Variants in SBK1 observed in about 807,000 individuals in gnomAD.
The protein encoded by SBK1 is serine/threonine-protein kinase SBK1.
In SBK1, 11 loss-of-function variants were observed where a neutral mutation model predicts 24.4. The ratio of observed to expected loss-of-function variants is 0.45; its 90% confidence interval spans 0.28 to 0.75. SBK1 has a LOEUF of 0.75. SBK1 is among the 30% of genes least tolerant of loss of function. The pLI is 0.12. For synonymous variants in SBK1, 308 were observed against 284.4 expected, an observed-to-expected ratio of 1.08 and a Z score of -0.83; for missense variants, 467 against 620.5, an observed-to-expected ratio of 0.75 and a Z score of 2.63.
At chr16:28,288,730 G>A (rs914051435), upstream of SBK1, among the ~76,000 whole-genome samples, 1 of 152,152 alleles carries the variant, frequency 6.6e-6, no homozygotes, top group Non-Finnish European at 1.5e-5. Flanking sequence ...AAGCAGCCCT[G>A]CCCTCTCTGC....
At chr16:28,278,855 A>G (rs2044511181) in intron 1 of SBK1, among the ~76,000 whole-genome samples, 2 of 152,226 alleles carry the variant, frequency 1.3e-5, no homozygotes, top group Admixed American at 1.3e-4. Context: ...TCAGGTGTAC[A>G]GCGACGTGGT....
upstream of SBK1, among the ~76,000 whole-genome samples, chr16:28,289,736 C>T (rs1196346230): frequency 6.6e-6 from 1 of 150,402 alleles, no homozygotes; most frequent in East Asian, 2.0e-4. Context: ...CATTGCACTC[C>T]AGCCTGGGCA....
chr16:28,275,514 C>T (rs1597012047), intron 1 of SBK1, among the ~76,000 whole-genome samples: 1 of 152,098 alleles, frequency 6.6e-6, no homozygotes, highest in East Asian at 1.9e-4. Context: ...TGTTCGGGGG[C>T]CCAGAAATGG....
At chr16:28,299,495 A>T (rs2044664263) in intron 1 of SBK1, among the ~76,000 whole-genome samples, 1 of 151,894 alleles carries the variant, frequency 6.6e-6, no homozygotes. Context: ...ACCTGATGGG[A>T]CCTCGCCTGA....
At chr16:28,305,557 A>C (rs1054906424) in intron 1 of SBK1, among the ~76,000 whole-genome samples, 3 of 132,672 alleles carry the variant, frequency 2.3e-5, no homozygotes, top group Non-Finnish European at 4.7e-5. Flanking sequence ...TTTTTTAGAG[A>C]GACTTTCTCT....
intron 1 of SBK1, among the ~76,000 whole-genome samples, chr16:28,262,450 G>T (rs1024392667): frequency 1.3e-5 from 2 of 152,192 alleles, no homozygotes; most frequent in Non-Finnish European, 2.9e-5. Context: ...GGCAACGAAG[G>T]GGGGCAGGTG....
At position 28,273,097 on chromosome 16, in the gene SBK1, G is replaced by A. The variant is rs1326410305; in HGVS notation, c.257+13595G>A. 3.3e-5 allele frequency among the ~76,000 whole-genome samples: 5 copies of A among 151,942 alleles called. No homozygotes were observed. The South Asian group carries it at 8.3e-4, about 25-fold the overall frequency. ...AGAATTATTTTTTTCTTTTTTTAGA[G>A]ACAGGGTCTCATTATGTTGCCCAGG... On this transcript the variant is annotated intron_variant, in intron 1 of 3. Coordinates refer to the SBK1 transcript ENST00000671413.
At chr16:28,267,071 T>A (rs2044433876) in intron 1 of SBK1, among the ~76,000 whole-genome samples, 1 of 151,460 alleles carries the variant, frequency 6.6e-6, no homozygotes, top group Non-Finnish European at 1.5e-5. Flanking sequence ...CACACCTGGC[T>A]ATTTTTTTTA....
chr16:28,274,389 C>A (rs757006952), intron 1 of SBK1, among the ~76,000 whole-genome samples: 3 of 152,184 alleles, frequency 2.0e-5, no homozygotes, highest in Non-Finnish European at 4.4e-5. Flanking sequence ...ATGGCTCACA[C>A]ATGTAATCCC....
chr16:28,315,790 G>C (rs1232335955), intron 1 of SBK1, among the ~76,000 whole-genome samples: 2 of 152,014 alleles, frequency 1.3e-5, no homozygotes, highest in African/African-American at 4.8e-5. Context: ...TTTTGAGACG[G>C]AGTCTTGTTC....
intron 1 of SBK1, among the ~76,000 whole-genome samples, chr16:28,314,147 T>C (rs1362046473): frequency 1.0e-5 from 1 of 97,578 alleles, no homozygotes; most frequent in African/African-American, 2.9e-5. Flanking sequence ...GTCGTTATTA[T>C]TGTTATTATT....
chr16:28,294,732 G>A (rs1221518282), intron 1 of SBK1, among the ~76,000 whole-genome samples: 1 of 152,172 alleles, frequency 6.6e-6, no homozygotes. Flanking sequence ...AGCACCAAGT[G>A]CCCCCACCCC....
chr16:28,313,902 G>A (rs1436813066), intron 1 of SBK1, among the ~76,000 whole-genome samples: 1 of 152,082 alleles, frequency 6.6e-6, no homozygotes, highest in African/African-American at 2.4e-5. Context: ...GCTGGGCTGC[G>A]AGAGGATGCG....
chr16:28,274,509 A>G (rs12448963), intron 1 of SBK1, among the ~76,000 whole-genome samples: 9,898 of 152,004 alleles, frequency 0.065, 592 homozygotes, highest in Admixed American at 0.19. Context: ...AAAATTAGCC[A>G]GGCATGGTGG....
In SBK1 at chr16:28,321,381, A is replaced by G. The variant is rs1389568746; in HGVS notation, c.*460A>G. On this transcript the variant is annotated 3_prime_UTR_variant, in exon 4 of 4. Transcript: ENST00000341901. Reference sequence around the variant, plus strand: ...CAGATCCCCTCCTCCTCGCCATCCCATTCTGCCCCCTCCCCACCCTGGGTA... The same window carrying G: ...CAGATCCCCTCCTCCTCGCCATCCCGTTCTGCCCCCTCCCCACCCTGGGTA... 2 of 152,928 alleles carry G rather than the reference A, an allele frequency of 1.3e-5. No individual in the cohort carries two copies. Among genetic ancestry groups the G allele is most frequent in the East Asian group, 1.9e-4 (1 of 5,246 alleles). 9.5% of individuals were successfully genotyped at this position (152,928 alleles called of 1,614,324 possible).
intron 1 of SBK1, among the ~76,000 whole-genome samples, chr16:28,280,263 G>A (rs1312875062): frequency 1.5e-5 from 2 of 134,014 alleles, no homozygotes; most frequent in Non-Finnish European, 3.2e-5. Context: ...GTATATATAC[G>A]TATATATGTA....
intron 1 of SBK1, among the ~76,000 whole-genome samples, chr16:28,293,512 G>T (rs529293409): frequency 6.6e-6 from 1 of 152,224 alleles, no homozygotes; most frequent in South Asian, 2.1e-4. Flanking sequence ...CTTGAGGCTC[G>T]GGCGCAGCTC....
At chr16:28,314,183 G>T (rs917090383) in intron 1 of SBK1, among the ~76,000 whole-genome samples, 1 of 151,450 alleles carries the variant, frequency 6.6e-6, no homozygotes, top group South Asian at 2.1e-4. Flanking sequence ...TTTAGATAGG[G>T]TCTCACTCTG....
intron 1 of SBK1, among the ~76,000 whole-genome samples, chr16:28,270,172 C>T (rs1288872032): frequency 6.6e-6 from 1 of 151,796 alleles, no homozygotes; most frequent in African/African-American, 2.4e-5. Context: ...AGCGATTCTC[C>T]TGCCTCAGCC....
Sources: allele counts gnomAD v4.1 joint callset (sites outside exome capture counted in the v4.1 genomes callset), GRCh38; gene constraint gnomAD v4.1.1; transcripts MANE v1.5; gene names NCBI Gene and HGNC (gene_info 2026-07-23, HGNC 2026-07-21).